The following ZC3H11A variants were observed in gnomAD, a reference collection of about 807,000 sequenced individuals.
ZC3H11A encodes zinc finger CCCH domain-containing protein 11A.
In ZC3H11A, 22 loss-of-function variants were observed where a neutral mutation model predicts 90.8. The observed-to-expected ratio is 0.24, with a 90% CI of 0.17 to 0.35. The LOEUF (loss-of-function observed/expected upper bound fraction) is 0.35, where lower values mean the gene tolerates loss of function less well. ZC3H11A is among the 10% of genes least tolerant of loss of function. The pLI is 1.00. For missense variants in ZC3H11A, 701 were observed against 964.9 expected (o/e 0.73, Z 3.62); for synonymous variants, 294 against 339.8 (o/e 0.87, Z 1.48).
At chr1:203,799,114 C>A in intron 1 of ZC3H11A, 1 of 1,530,980 alleles carries the variant, frequency 6.5e-7, no homozygotes, top group Non-Finnish European at 8.8e-7. Flanking sequence ...ACAGGTTTGG[C>A]TAAAGACTGT....
chr1:203,798,642 G>C (rs910089894), intron 1 of ZC3H11A: 1 of 1,536,152 alleles, frequency 6.5e-7, no homozygotes, highest in Non-Finnish European at 8.7e-7. Context: ...ACCTATGTTA[G>C]AGGTTGAAAA....
At chr1:203,828,193 C>A (rs968007472) in intron 4 of ZC3H11A, 106 bp from the exon 5 acceptor site, 5 of 1,331,690 alleles carry the variant, frequency 3.8e-6, no homozygotes, top group African/African-American at 2.9e-5. Flanking sequence ...ATCTCACATG[C>A]CTCGGATTTT....
intron 4 of ZC3H11A, among the ~76,000 whole-genome samples, chr1:203,822,452 G>A (rs1248972503): frequency 6.6e-6 from 1 of 151,918 alleles, no homozygotes; most frequent in Non-Finnish European, 1.5e-5. Context: ...CCCTATAATG[G>A]ATACTGTTTT....
chr1:203,831,957 A>C (rs1682516338), intron 9 of ZC3H11A, among the ~76,000 whole-genome samples, 186 bp downstream of exon 9: 1 of 152,218 alleles, frequency 6.6e-6, no homozygotes, highest in Non-Finnish European at 1.5e-5. Context: ...ATTCTTTGTC[A>C]AGCAGCCCTC....
At position 203,813,798 on chromosome 1, in the gene ZC3H11A, G is replaced by T. The variant is rs996965998; in HGVS notation, c.-145-3128G>T. 6.6e-5 allele frequency among the ~76,000 whole-genome samples: 10 copies of T among 152,126 alleles called. No homozygotes were observed. In the South Asian group the frequency reaches 1.9e-3, roughly 28 times the overall value. The stretch of plus-strand genomic sequence containing the variant: ...GTAGATGCATCACTCCAGCCACATG[G>T]TCATCTTCTCCTTGTGTGTCTTCTC... On this transcript the variant is annotated intron_variant, in intron 2 of 17. Coordinates refer to ENST00000367210, the MANE Select transcript of ZC3H11A (RefSeq NM_001376342.1).
chr1:203,838,963 A>G (rs12131766), intron 11 of ZC3H11A, among the ~76,000 whole-genome samples: 19 of 118,302 alleles, frequency 1.6e-4, no homozygotes, highest in South Asian at 2.9e-4. Flanking sequence ...TCAAAAAAAA[A>G]AAAAAAAAAA....
intron 1 of ZC3H11A, chr1:203,799,007 T>C (rs913506689): frequency 1.3e-6 from 2 of 1,536,184 alleles, no homozygotes; most frequent in South Asian, 1.2e-5. Flanking sequence ...CCACTGACTA[T>C]TTTATTGTGA....
chr1:203,804,504 T>G (rs1266314652), intron 2 of ZC3H11A, among the ~76,000 whole-genome samples: 2 of 152,124 alleles, frequency 1.3e-5, no homozygotes, highest in African/African-American at 4.8e-5. Context: ...ATCTTTTTAC[T>G]GTGAGTGGTA....
Position 203,826,401 on chromosome 1 carries a change from A to G in ZC3H11A, c.175-1898A>G, listed in dbSNP as rs1384641960. On this transcript the variant is annotated intron_variant, in intron 4 of 17. Transcript: ENST00000367210. ...TAATAATTAATTCTTTTTAAAAATT[A>G]TACTTTAAAAATATTAATAGGTAAT... is the stretch of plus-strand genomic sequence containing the variant. Among the ~76,000 whole-genome samples, 4 of 151,608 alleles carry G rather than the reference A, an allele frequency of 2.6e-5. No individual in the cohort carries two copies. In the East Asian group the frequency reaches 5.8e-4, roughly 22 times the overall value.
intron 1 of ZC3H11A, chr1:203,800,086 G>A (rs1206921529): frequency 6.5e-7 from 1 of 1,536,086 alleles, no homozygotes; most frequent in East Asian, 2.4e-5. Context: ...GCCCTTGGAA[G>A]CAAAAGCTTC....
At chr1:203,835,857 C>G (rs763615124) in intron 10 of ZC3H11A, 1 of 240,626 alleles carries the variant, frequency 4.2e-6, no homozygotes, top group Non-Finnish European at 9.1e-6. Context: ...CCTTTTTTTC[C>G]GGAGACCCCA....
Position 203,842,197 on chromosome 1 carries a change from T to C in ZC3H11A, c.1042+1823T>C, listed in dbSNP as rs1331987346. ...GACGCTCCTCACTTCCCAGACGGGGTGGCGGCCGGGCAGAGGCTGCAATCT... is the reference window on the plus strand; with the variant it reads ...GACGCTCCTCACTTCCCAGACGGGGCGGCGGCCGGGCAGAGGCTGCAATCT... On this transcript the variant is annotated intron_variant, in intron 12 of 17. Transcript: ENST00000367210. Among the ~76,000 whole-genome samples, 4 of 149,494 alleles carry C rather than the reference T, an allele frequency of 2.7e-5. No individual in the cohort carries two copies. In the East Asian group the frequency reaches 8.1e-4, roughly 30 times the overall value.
At chr1:203,815,682 A>G (rs1196011541) in intron 2 of ZC3H11A, among the ~76,000 whole-genome samples, 2 of 152,198 alleles carry the variant, frequency 1.3e-5, no homozygotes, top group South Asian at 4.1e-4. Context: ...CAGACTCTTA[A>G]TCCAGGTTGT....
chr1:203,829,838 A>G lies in ZC3H11A; in HGVS notation c.561A>G (p.Glu187=). 1.2e-6 allele frequency: 2 copies of G among 1,614,192 alleles called. No homozygotes were observed. Among genetic ancestry groups the G allele is most frequent in the Non-Finnish European group, 1.7e-6 (2 of 1,180,028 alleles). ...TKTPTLQPTP[E]VHNGLRVTSV... ...CACCTACCCTGCAACCAACTCCTGA[A>G]GTTCACAATGGATTACGAGTGACTT... The change falls in exon 7 of 18, where the codon GAA becomes GAG. Residue 187 remains glutamate (E), a synonymous_variant. Transcript: ENST00000367210.
In ZC3H11A at chr1:203,834,131, A is replaced by G. The variant is rs1281278756; in HGVS notation, c.874+278A>G. 7 of 1,078,692 alleles carry G rather than the reference A, an allele frequency of 6.5e-6. No homozygotes were observed. In the African/African-American group the frequency reaches 1.1e-4, roughly 18 times the overall value. The allele number at this position is 1,078,692 out of a possible 1,614,324, so 66.8% of individuals were successfully genotyped here. ...AAGAACACCTCTATTTCTCTGAACA[A>G]ATTTAAATGTGAGTTTTTAGAGGCG... On this transcript the variant is annotated intron_variant, in intron 10 of 17. Transcript: ENST00000367210.
At chr1:203,813,955 C>T (rs1363550667) in intron 2 of ZC3H11A, among the ~76,000 whole-genome samples, 6 of 130,342 alleles carry the variant, frequency 4.6e-5, no homozygotes, top group Admixed American at 4.3e-4. Flanking sequence ...CTTTTCTCTA[C>T]AGAGCATACA....
At chr1:203,816,449 T>G (rs1676402567) in intron 2 of ZC3H11A, among the ~76,000 whole-genome samples, 1 of 151,996 alleles carries the variant, frequency 6.6e-6, no homozygotes, top group African/African-American at 2.4e-5. Flanking sequence ...CATAGCAAGA[T>G]CCTGTCTTTA....
chr1:203,820,853 A>T (rs1295221776), intron 4 of ZC3H11A, among the ~76,000 whole-genome samples: 2 of 152,008 alleles, frequency 1.3e-5, no homozygotes, highest in Non-Finnish European at 2.9e-5. Flanking sequence ...AACTTTGATC[A>T]CTCAATTAAG....
intron 14 of ZC3H11A, 84 bp from the exon 15 acceptor site, chr1:203,849,627 A>T: frequency 7.7e-7 from 1 of 1,298,264 alleles, no homozygotes; most frequent in Non-Finnish European, 1.1e-6. Context: ...GATTCTGCTT[A>T]ACTTAGATGT....
Sources: gnomAD v4.1 joint callset for allele counts (sites outside exome capture counted in the v4.1 genomes callset) on GRCh38, gnomAD v4.1.1 for gene constraint, MANE v1.5 for transcripts, NCBI Gene and HGNC (gene_info 2026-07-23, HGNC 2026-07-21) for gene names.